The following POLA1 variants were observed in gnomAD, a reference collection of about 807,000 sequenced individuals.
The protein encoded by POLA1 is DNA polymerase alpha catalytic subunit.
A neutral mutation model predicts 124.0 loss-of-function variants in POLA1; 15 were observed. The ratio of observed to expected loss-of-function variants is 0.12; its 90% CI spans 0.08 to 0.19. The LOEUF (loss-of-function observed/expected upper bound fraction) is 0.19, where lower values mean the gene tolerates loss of function less well. Among genes scored for constraint, POLA1 ranks in the 10% least tolerant of loss-of-function variants. The probability of loss-of-function intolerance (pLI) is 1.00; values close to 1 mark genes in which losing one functional copy is unlikely to be tolerated. For missense variants in POLA1, 886 were observed against 1,103.4 expected (o/e 0.80, Z 2.79); for synonymous variants, 408 against 389.4 (o/e 1.05, Z -0.56).
chrX:24,961,688 C>A (rs1347757763), intron 36 of POLA1, among the ~76,000 whole-genome samples: 2 of 111,527 alleles, frequency 1.8e-5, no homozygotes, highest in African/African-American at 6.5e-5. Context: ...CTCAGCCATT[C>A]CTCCAACAGA....
intron 35 of POLA1, among the ~76,000 whole-genome samples, chrX:24,896,069 G>A (rs111559546): frequency 8.4e-4 from 94 of 111,854 alleles, no homozygotes; most frequent in Non-Finnish European, 1.3e-3. Flanking sequence ...CAATAAGGTA[G>A]GAAAGATAAT....
chrX:24,898,551 T>A (rs1407642238), intron 35 of POLA1, among the ~76,000 whole-genome samples: 1 of 112,397 alleles, frequency 8.9e-6, no homozygotes. Context: ...CACAAAAAAG[T>A]GGAGACATCA....
Position 24,874,815 on chromosome X carries a change from C to T in POLA1, c.4048-13191C>T, listed in dbSNP as rs935239595. On this transcript the variant is annotated intron_variant, in intron 34 of 36. Transcript: ENST00000379068. Reference sequence around the variant, plus strand: ...ACTGAATCAGACACTCTGGGGGTGGCGCTGTGTTGTAACGCTGCCCTGGTG... The same window carrying T: ...ACTGAATCAGACACTCTGGGGGTGGTGCTGTGTTGTAACGCTGCCCTGGTG... Among the ~76,000 whole-genome samples, 17 of 111,392 alleles carry T rather than the reference C, an allele frequency of 1.5e-4. 1 individual carries two copies. Among genetic ancestry groups the T allele is most frequent in the Admixed American group, 1.4e-3 (15 of 10,471 alleles).
intron 32 of POLA1, among the ~76,000 whole-genome samples, 165 bp from the exon 33 acceptor site, chrX:24,841,487 A>G (rs1310480693): frequency 8.9e-6 from 1 of 112,350 alleles, no homozygotes; most frequent in Non-Finnish European, 1.9e-5. Flanking sequence ...TGTTTTATTT[A>G]TAAAGTATCT....
intron 36 of POLA1, among the ~76,000 whole-genome samples, chrX:24,953,177 G>A (rs1601904552): frequency 1.8e-5 from 2 of 112,101 alleles, no homozygotes; most frequent in Admixed American, 9.5e-5. Flanking sequence ...CTCCAAAGAT[G>A]TTAGCCCCTC....
chrX:24,895,923 C>T (rs2047201202), intron 35 of POLA1, among the ~76,000 whole-genome samples: 1 of 111,927 alleles, frequency 8.9e-6, no homozygotes, highest in Admixed American at 9.4e-5. Context: ...TGTAATTTTC[C>T]ACAAGGGGAA....
Position 24,711,603 on chromosome X carries a change from A to T in POLA1, c.347-2951A>T, listed in dbSNP as rs750652486. 8.7e-4 allele frequency among the ~76,000 whole-genome samples: 92 copies of T among 105,971 alleles called. 2 individuals carry two copies. The Admixed American group carries it at 9.0e-3, about 10-fold the overall frequency. 92.0% of individuals were successfully genotyped at this position (105,971 alleles called of 115,157 possible). On this transcript the variant is annotated intron_variant, in intron 4 of 36. Coordinates refer to ENST00000379068, the MANE Select transcript of POLA1 (RefSeq NM_001330360.2). ...TGGCTCAAAGAGTAGCTACGCATAA[A>T]TTTTTTTTTTTTTGAGATGGAGTTT...
At chrX:24,942,204 A>G (rs1395262071) in intron 36 of POLA1, among the ~76,000 whole-genome samples, 3 of 112,214 alleles carry the variant, frequency 2.7e-5, no homozygotes, top group East Asian at 5.6e-4. Flanking sequence ...AGACAATTCC[A>G]TTGTATACGG....
chrX:24,789,092 T>C (rs780609274), intron 26 of POLA1: 1 of 1,192,068 alleles, frequency 8.4e-7, no homozygotes, highest in Admixed American at 2.2e-5. Flanking sequence ...ATCCGAGAGC[T>C]GGGGAGCAGC....
intron 36 of POLA1, among the ~76,000 whole-genome samples, chrX:24,936,104 G>C (rs2047845650): frequency 8.9e-6 from 1 of 112,468 alleles, no homozygotes; most frequent in Non-Finnish European, 1.9e-5. Context: ...CAGCTAAGTA[G>C]TTACACTCAT....
intron 36 of POLA1, among the ~76,000 whole-genome samples, chrX:24,963,656 T>G (rs2048191644): frequency 1.8e-5 from 2 of 111,776 alleles, no homozygotes; most frequent in African/African-American, 6.5e-5. Context: ...ATGTACATAG[T>G]TGAAATCCAG....
intron 15 of POLA1, among the ~76,000 whole-genome samples, chrX:24,732,103 C>T (rs769345430): frequency 8.0e-4 from 89 of 110,956 alleles, no homozygotes; most frequent in Non-Finnish European, 1.3e-3. Flanking sequence ...TACAGGTGCA[C>T]GCCACCATGC....
At chrX:24,743,063 T>C (rs1459569469) in intron 22 of POLA1, among the ~76,000 whole-genome samples, 167 bp from the exon 23 acceptor site, 1 of 112,424 alleles carries the variant, frequency 8.9e-6, no homozygotes, top group African/African-American at 3.2e-5. Flanking sequence ...TGGGATTCAT[T>C]TGGATTCGTG....
rs998607228 is a variant in POLA1, at chrX:24,703,241, A to G, written c.169-10A>G. 4.0e-5 allele frequency: 46 copies of G among 1,162,194 alleles called. No individual in the cohort carries two copies. Among genetic ancestry groups the G allele is most frequent in the Non-Finnish European group, 4.6e-5 (39 of 856,539 alleles). ...TTGAAGCTTTTTTCCTGAAACTTGTATAATGGTAGGTCGAGGACTTCACAG... is the reference window on the plus strand; with the variant it reads ...TTGAAGCTTTTTTCCTGAAACTTGTGTAATGGTAGGTCGAGGACTTCACAG... On this transcript the variant is annotated splice_polypyrimidine_tract_variant and intron_variant, in intron 2 of 36. Coordinates refer to ENST00000379068, the MANE Select transcript of POLA1 (RefSeq NM_001330360.2).
chrX:24,942,639 C>T (rs1458213436), intron 36 of POLA1, among the ~76,000 whole-genome samples: 3 of 112,065 alleles, frequency 2.7e-5, no homozygotes, highest in Non-Finnish European at 5.6e-5. Context: ...TTGAAAATTT[C>T]GTCTAAAAGT....
intron 10 of POLA1, among the ~76,000 whole-genome samples, chrX:24,720,521 C>T (rs1205596830): frequency 8.9e-6 from 1 of 111,921 alleles, no homozygotes; most frequent in African/African-American, 3.2e-5. Context: ...GCTACTATTC[C>T]TGAGTTTGCA....
intron 29 of POLA1, 27 bp downstream of exon 29, chrX:24,812,890 T>C: frequency 1.0e-6 from 1 of 991,662 alleles, no homozygotes. Flanking sequence ...GTTTTGCTTT[T>C]CTTGTTTGTC....
At chrX:24,803,637 A>G (rs1359898127) in intron 26 of POLA1, among the ~76,000 whole-genome samples, 1 of 110,977 alleles carries the variant, frequency 9.0e-6, no homozygotes, top group African/African-American at 3.3e-5. Flanking sequence ...AGCAACCTAG[A>G]ATATGGAAAT....
chrX:24,924,637 A>G (rs1446095794), intron 35 of POLA1, among the ~76,000 whole-genome samples: 1 of 111,851 alleles, frequency 8.9e-6, no homozygotes, highest in Non-Finnish European at 1.9e-5. Flanking sequence ...ATAGGCAACT[A>G]TGTCTGTCAG....
Sources: allele counts gnomAD v4.1 joint callset (sites outside exome capture counted in the v4.1 genomes callset), GRCh38; gene constraint gnomAD v4.1.1; transcripts MANE v1.5; gene names NCBI Gene and HGNC (gene_info 2026-07-23, HGNC 2026-07-21).